The following TENM3 variants were observed in gnomAD, a reference collection of about 807,000 sequenced individuals.
TENM3 encodes teneurin-3.
TENM3 carries 63 observed loss-of-function variants against 255.1 expected under a neutral mutation model. The observed-to-expected ratio is 0.25, with a 90% CI of 0.20 to 0.30. The LOEUF (loss-of-function observed/expected upper bound fraction) is 0.30, where lower values mean the gene tolerates loss of function less well. Ranked by LOEUF, TENM3 falls within the 10% of genes least tolerant of loss-of-function variation. TENM3 has a pLI of 1.00. For synonymous variants in TENM3, 1,306 were observed against 1,322.3 expected (o/e 0.99, Z 0.27); for missense variants, 2,929 against 3,461.1 (o/e 0.85, Z 3.86).
the TENM3 span, among the ~76,000 whole-genome samples, chr4:181,952,808 C>T: frequency 0.011 from 1,710 of 152,306 alleles, 41 homozygotes; most frequent in African/African-American, 0.039. Flanking sequence ...GAGCCGCAGG[C>T]GCTGGGGGGC....
At chr4:182,087,903 A>G in the TENM3 span, among the ~76,000 whole-genome samples, 1 of 152,228 alleles carries the variant, frequency 6.6e-6, no homozygotes, top group Non-Finnish European at 1.5e-5. Flanking sequence ...ACTTGAGGAC[A>G]GAGTCTGTCA....
At chr4:181,888,516 G>GTGTATATATATATA in the TENM3 span, among the ~76,000 whole-genome samples, 2 of 41,518 alleles carry the variant, frequency 4.8e-5, no homozygotes, top group Non-Finnish European at 8.8e-5. Flanking sequence ...ATATATATAT[G>GTGTATATATATATA]TATATATATA....
At chr4:182,141,858 A>C (rs2309626), upstream of TENM3, 97,166 of 152,076 alleles carry the variant, frequency 0.64, 31,690 homozygotes, top group East Asian at 0.83. Flanking sequence ...CCCCTAACTC[A>C]CACAATGTAG....
chr4:182,225,760 A>G (rs1756108342), intron 1 of TENM3, among the ~76,000 whole-genome samples: 1 of 152,192 alleles, frequency 6.6e-6, no homozygotes, highest in Admixed American at 6.5e-5. Flanking sequence ...TTCAAGAGTC[A>G]GGGAAGAAAG....
rs542898228 is a variant in TENM3 at position 182,270,202 on chromosome 4, G to A, written c.-76+26726G>A. On this transcript the variant is annotated intron_variant, in intron 1 of 27. Coordinates refer to ENST00000511685, the MANE Select transcript of TENM3 (RefSeq NM_001080477.4). The stretch of plus-strand genomic sequence containing the variant: ...GCAACTGTCTCTTCAGACCTTAGAA[G>A]GTATCACTCTTAGTTAATCTCTCTT... 5.3e-5 allele frequency among the ~76,000 whole-genome samples: 8 copies of A among 152,204 alleles called. No homozygotes were observed. The South Asian group carries it at 1.7e-3, about 32-fold the overall frequency.
intron 24 of TENM3, among the ~76,000 whole-genome samples, chr4:182,786,629 C>T (rs572952865): frequency 6.6e-6 from 1 of 151,784 alleles, no homozygotes; most frequent in East Asian, 1.9e-4. Context: ...TACAGCAGCA[C>T]GTCATATCCA....
At chr4:181,605,552 A>AAGAT in the TENM3 span, among the ~76,000 whole-genome samples, 21 of 29,510 alleles carry the variant, frequency 7.1e-4, 2 homozygotes, top group African/African-American at 1.7e-3. Flanking sequence ...GAAAGAAAGA[A>AAGAT]AGAAAGAAAG....
chr4:181,589,974 T>C, the TENM3 span, among the ~76,000 whole-genome samples: 7 of 152,202 alleles, frequency 4.6e-5, no homozygotes, highest in East Asian at 1.9e-4. Flanking sequence ...ACTTCTCAAC[T>C]GCTTTTGACT....
the TENM3 span, among the ~76,000 whole-genome samples, chr4:181,696,103 T>C: frequency 1.3e-5 from 2 of 152,190 alleles, no homozygotes; most frequent in African/African-American, 4.8e-5. Flanking sequence ...GGGCATTTTA[T>C]GACAAGGCAA....
chr4:182,574,016 T>C (rs1175308458), intron 3 of TENM3, among the ~76,000 whole-genome samples: 1 of 152,172 alleles, frequency 6.6e-6, no homozygotes, highest in African/African-American at 2.4e-5. Context: ...AAAAGTATTT[T>C]GTATTTCATT....
At chr4:182,599,244 CTCTTTT>C (rs1747591106) in intron 3 of TENM3, among the ~76,000 whole-genome samples, 1 of 152,156 alleles carries the variant, frequency 6.6e-6, no homozygotes, top group African/African-American at 2.4e-5. Flanking sequence ...CTGTTAGTTT[CTCTTTT>C]TCTAACACAA....
At chr4:181,490,415 C>A in the TENM3 span, among the ~76,000 whole-genome samples, 1 of 152,176 alleles carries the variant, frequency 6.6e-6, no homozygotes, top group African/African-American at 2.4e-5. Flanking sequence ...CAGTCAATAA[C>A]GTATCTGGGA....
chr4:181,617,062 G>C, the TENM3 span, among the ~76,000 whole-genome samples: 1 of 151,948 alleles, frequency 6.6e-6, no homozygotes, highest in African/African-American at 2.4e-5. Flanking sequence ...CCATCATCTT[G>C]CTACTGCGGC....
intron 5 of TENM3, among the ~76,000 whole-genome samples, chr4:182,647,086 GTACAGTCAGA>G (rs1752820037): frequency 6.6e-6 from 1 of 152,186 alleles, no homozygotes; most frequent in Non-Finnish European, 1.5e-5. Flanking sequence ...GACCTTCAGT[GTACAGTCAGA>G]TACAGTAAGA....
chr4:182,175,929 C>T (rs1446368467), intron 1 of TENM3, among the ~76,000 whole-genome samples: 2 of 147,020 alleles, frequency 1.4e-5, no homozygotes, highest in Non-Finnish European at 3.0e-5. Context: ...ACCCTGCCGC[C>T]GCTGCACATT....
At chr4:181,673,207 CAA>C in the TENM3 span, among the ~76,000 whole-genome samples, 1 of 150,554 alleles carries the variant, frequency 6.6e-6, no homozygotes, top group South Asian at 2.1e-4. Context: ...GTAAACAAAC[CAA>C]AGTCTGTTCT....
rs757240068 is a variant in TENM3 at position 182,324,188 on chromosome 4, G to T, written c.168G>T (p.Arg56=). ...AAGCTTTTGATCATGATTCCTCGCG[G>T]CTGCTTTACGGCAACAGAGTGAAGG... The part of the protein sequence containing the change: ...TLKAFDHDSS[R]LLYGNRVKDL... Residue 56 remains arginine (R), a synonymous_variant, in exon 2 of 28, where the codon CGG becomes CGT. Transcript: ENST00000511685. 2 of 1,613,998 alleles carry T rather than the reference G, an allele frequency of 1.2e-6. No homozygotes were observed. Among genetic ancestry groups the T allele is most frequent in the Admixed American group, 3.3e-5 (2 of 60,012 alleles).
the TENM3 span, among the ~76,000 whole-genome samples, chr4:181,706,865 C>A: frequency 6.6e-6 from 1 of 152,186 alleles, no homozygotes; most frequent in African/African-American, 2.4e-5. Flanking sequence ...CATTTGTTAG[C>A]TCATTTCTTC....
rs532376649 is a variant in TENM3, at chr4:182,263,786, C to T, written c.-76+20310C>T. Among the ~76,000 whole-genome samples the T allele has an allele frequency of 9.9e-5, 15 of 152,260 alleles. No individual in the cohort carries two copies. The South Asian group carries it at 3.1e-3, about 32-fold the overall frequency. Reference sequence around the variant, plus strand: ...ACCATGTTGCTCAGAGACCACGTGTCGAAACTCTTAAGTCAGAGGTTGGAT... The same window carrying T: ...ACCATGTTGCTCAGAGACCACGTGTTGAAACTCTTAAGTCAGAGGTTGGAT... On this transcript the variant is annotated intron_variant, in intron 1 of 27. Transcript: ENST00000511685.
Sources: allele counts gnomAD v4.1 joint callset (sites outside exome capture counted in the v4.1 genomes callset), GRCh38; gene constraint gnomAD v4.1.1; transcripts MANE v1.5; gene names NCBI Gene and HGNC (gene_info 2026-07-23, HGNC 2026-07-21).